CENPP: variants seen among roughly 807,000 people sequenced by gnomAD.
CENPP encodes centromere protein P.
Under a neutral mutation model 35.6 loss-of-function variants are expected in CENPP, and 24 were observed. That is an observed-to-expected ratio of 0.67 (90% CI 0.49 to 0.95). CENPP has a LOEUF of 0.95. Among genes scored for constraint, CENPP ranks in the 40% least tolerant of loss-of-function variants. CENPP has a pLI of 0.00. For missense variants in CENPP, 332 were observed against 345.3 expected (o/e 0.96, Z 0.31); for synonymous variants, 120 against 125.5 (o/e 0.96, Z 0.29).
intron 4 of CENPP, among the ~76,000 whole-genome samples, chr9:92,355,756 C>T (rs956402824): frequency 2.0e-5 from 3 of 152,134 alleles, no homozygotes; most frequent in Admixed American, 2.0e-4. Context: ...ACTGTAACTA[C>T]CAAAAAATCA....
At chr9:92,375,856 T>TA (rs1491423409) in intron 4 of CENPP, among the ~76,000 whole-genome samples, 1 of 48,520 alleles carries the variant, frequency 2.1e-5, no homozygotes, top group Non-Finnish European at 3.9e-5. Flanking sequence ...TGTTAATTTC[T>TA]TTTTTTTTTT....
chr9:92,364,525 T>C lies in CENPP; in HGVS notation c.468-15238T>C, dbSNP rs149988402. On this transcript the variant is annotated intron_variant, in intron 4 of 7. Transcript: ENST00000375587. The stretch of plus-strand genomic sequence containing the variant: ...TTGTCTTATGGCTTAACAGTAAATT[T>C]GCTGTGATTCTTCTTTATGTTCCCC... 3.6e-3 allele frequency among the ~76,000 whole-genome samples: 552 copies of C among 152,314 alleles called. 4 individuals are homozygous for C. Among genetic ancestry groups the C allele is most frequent in the African/African-American group, 0.013 (520 of 41,586 alleles).
chr9:92,387,053 GAAAAAA>G (rs903436031), intron 5 of CENPP, among the ~76,000 whole-genome samples: 2 of 50,168 alleles, frequency 4.0e-5, no homozygotes, highest in African/African-American at 8.0e-5. Flanking sequence ...GTCTCAAAAA[GAAAAAA>G]AAAAAAAAAA....
At chr9:92,377,947 C>T (rs139024953) in intron 4 of CENPP, among the ~76,000 whole-genome samples, 2 of 152,208 alleles carry the variant, frequency 1.3e-5, no homozygotes, top group East Asian at 3.9e-4. Flanking sequence ...TCTGAAGGCT[C>T]CTCTTCTCTG....
chr9:92,537,415 C>A (rs1849209102), intron 5 of CENPP, among the ~76,000 whole-genome samples: 1 of 152,076 alleles, frequency 6.6e-6, no homozygotes, highest in East Asian at 1.9e-4. Context: ...AATCCCAGCA[C>A]TTTGGGAGGC....
At chr9:92,361,914 A>G (rs187258708) in intron 4 of CENPP, among the ~76,000 whole-genome samples, 199 of 152,208 alleles carry the variant, frequency 1.3e-3, no homozygotes, top group African/African-American at 4.4e-3. Flanking sequence ...AGTTGATCTC[A>G]TAATATCTTA....
chr9:92,385,567 A>G (rs1185423555), intron 5 of CENPP: 1 of 1,487,948 alleles, frequency 6.7e-7, no homozygotes, highest in Non-Finnish European at 9.3e-7. Flanking sequence ...CTCATTGTTG[A>G]GACAGACTAT....
rs903445050 is a variant in CENPP at position 92,325,983 on chromosome 9, C to T, written c.-16C>T. 1.7e-5 allele frequency: 26 copies of T among 1,544,332 alleles called. No homozygotes were observed. The highest frequency in any genetic ancestry group is 3.6e-5 in the South Asian group (3 of 83,880). ...GACAGCTGCGCTGCCGGCCCGGCTG[C>T]GGTCAGCAACGCGCCATGGACGCAG... is the stretch of plus-strand genomic sequence containing the variant. On this transcript the variant is annotated 5_prime_UTR_variant, in exon 1 of 8. Transcript: ENST00000375587.
intron 5 of CENPP, among the ~76,000 whole-genome samples, chr9:92,558,918 G>A (rs1849785014): frequency 6.6e-6 from 1 of 152,030 alleles, no homozygotes; most frequent in South Asian, 2.1e-4. Flanking sequence ...GTTGGGGAAA[G>A]CCGGCAGTCA....
At position 92,374,976 on chromosome 9, in the gene CENPP, T is replaced by C. The variant is rs914173354; in HGVS notation, c.468-4787T>C. Among the ~76,000 whole-genome samples the C allele has an allele frequency of 2.0e-5, 3 of 152,340 alleles. No individual in the cohort carries two copies. The East Asian group carries it at 5.8e-4, about 29-fold the overall frequency. ...GTTTTGCTGGATATCAGTCTCAGGA[T>C]TCTCTCTCTTTGGAGCTCAACAGAT... On this transcript the variant is annotated intron_variant, in intron 4 of 7. Coordinates refer to ENST00000375587, the MANE Select transcript of CENPP (RefSeq NM_001012267.3).
intron 5 of CENPP, among the ~76,000 whole-genome samples, chr9:92,577,138 C>T (rs1850302476): frequency 6.6e-6 from 1 of 152,146 alleles, no homozygotes; most frequent in African/African-American, 2.4e-5. Context: ...TAGACATTAT[C>T]TGTAAAATTT....
At chr9:92,348,844 A>G (rs912842235) in intron 4 of CENPP, among the ~76,000 whole-genome samples, 1 of 152,202 alleles carries the variant, frequency 6.6e-6, no homozygotes, top group African/African-American at 2.4e-5. Context: ...AAAAACATAT[A>G]TCTTTAAACA....
At chr9:92,522,269 G>T (rs1848118421) in intron 5 of CENPP, among the ~76,000 whole-genome samples, 1 of 151,992 alleles carries the variant, frequency 6.6e-6, no homozygotes, top group Non-Finnish European at 1.5e-5. Flanking sequence ...TGTATTTTTA[G>T]TAGAGACGGG....
intron 5 of CENPP, chr9:92,475,056 A>G (rs947839077): frequency 3.8e-6 from 4 of 1,054,768 alleles, no homozygotes; most frequent in Non-Finnish European, 5.1e-6. Context: ...GTAAATTTAT[A>G]AAGATTTTTG....
chr9:92,515,308 T>C, intron 5 of CENPP: 1 of 1,298,666 alleles, frequency 7.7e-7, no homozygotes, highest in Non-Finnish European at 9.8e-7. Flanking sequence ...CCTCCAAGTA[T>C]TTGAGTGCAA....
At chr9:92,356,718 C>A (rs1841597633) in intron 4 of CENPP, among the ~76,000 whole-genome samples, 1 of 152,156 alleles carries the variant, frequency 6.6e-6, no homozygotes, top group African/African-American at 2.4e-5. Context: ...TGTTTGGGAA[C>A]TGATAAATGT....
intron 5 of CENPP, among the ~76,000 whole-genome samples, chr9:92,523,211 G>T (rs770114036): frequency 1.3e-5 from 2 of 152,110 alleles, no homozygotes; most frequent in Non-Finnish European, 2.9e-5. Flanking sequence ...CTCCCAAAGT[G>T]CTGGGATTAC....
chr9:92,390,585 T>TGC (rs781712971), intron 5 of CENPP, among the ~76,000 whole-genome samples: 26 of 133,226 alleles, frequency 2.0e-4, no homozygotes, highest in South Asian at 5.1e-4. Flanking sequence ...TGTGTGTGTG[T>TGC]GTGCGCGCGC....
chr9:92,419,743 A>G (rs890596646), intron 5 of CENPP, among the ~76,000 whole-genome samples: 2 of 152,168 alleles, frequency 1.3e-5, no homozygotes, highest in African/African-American at 4.8e-5. Context: ...AAAAAATCCT[A>G]CCTCTTTTAT....
Sources: gnomAD v4.1 joint callset for allele counts (sites outside exome capture counted in the v4.1 genomes callset) on GRCh38, gnomAD v4.1.1 for gene constraint, MANE v1.5 for transcripts, NCBI Gene and HGNC (gene_info 2026-07-23, HGNC 2026-07-21) for gene names.